Variants in IRS2 observed in about 807,000 individuals in gnomAD.
IRS2 encodes insulin receptor substrate 2.
A neutral mutation model predicts 70.9 loss-of-function variants in IRS2; 28 were observed. The ratio of observed to expected loss-of-function variants is 0.39; its 90% CI spans 0.29 to 0.54. IRS2 has a LOEUF of 0.54. Among genes scored for constraint, IRS2 ranks in the 20% least tolerant of loss-of-function variants. The probability of loss-of-function intolerance (pLI) is 0.59; values close to 1 mark genes in which losing one functional copy is unlikely to be tolerated. For missense variants in IRS2, 2,081 were observed against 2,024.1 expected (o/e 1.03, Z -0.54); for synonymous variants, 1,217 against 981.9 (o/e 1.24, Z -4.48).
chr13:109,786,083 C>A lies in IRS2; in HGVS notation c.-30G>T, dbSNP rs974586038. ...GGCGCTTCAGGCCGCGCGGCCCGGG[C>A]CCGGCGCCCAGGGGTTGGGGCGAGG... On this transcript the variant is annotated 5_prime_UTR_variant, in exon 1 of 2. Transcript: ENST00000375856. The surrounding 1 kb of genome is among the most constrained non-coding windows in gnomAD (Gnocchi z 4.4). 2 of 1,044,624 alleles carry A rather than the reference C, an allele frequency of 1.9e-6. No homozygotes were observed. The highest frequency in any genetic ancestry group is 2.3e-6 in the Non-Finnish European group (2 of 874,444). 64.7% of individuals were successfully genotyped at this position (1,044,624 alleles called of 1,614,324 possible). A position where few individuals can be genotyped will look rare whatever the true frequency, so the allele number is the denominator to read the frequency against.
At chr13:109,764,738 CTCT>C (rs1877298467) in intron 1 of IRS2, among the ~76,000 whole-genome samples, 1 of 152,234 alleles carries the variant, frequency 6.6e-6, no homozygotes, top group South Asian at 2.1e-4. Flanking sequence ...GTCATCACAG[CTCT>C]TCCTCGTTCA....
rs1455604327 is a variant in IRS2 at position 109,783,620 on chromosome 13, C to T, written c.2434G>A (p.Ala812Thr). The change falls in exon 1 of 2, where the codon GCC becomes ACC. Residue 812 changes from alanine (A) to threonine (T), a missense_variant. Around this residue, in one of 4 missense-constraint regions of IRS2, gnomAD observed 1,615 missense variants for 1,459.5 expected, o/e 1.11. Coordinates refer to ENST00000375856, the MANE Select transcript of IRS2 (RefSeq NM_003749.3). Reference protein sequence around the residue: ...CYSSLPRSYKAPYTCGGDSDQ... With the variant: ...CYSSLPRSYKTPYTCGGDSDQ... ...CTGTCCCCGCCACAGGTGTAGGGGG[C>T]CTTGTAGGAGCGGGGCAAGGAGCTG... 9 of 1,549,424 alleles carry T rather than the reference C, an allele frequency of 5.8e-6. No homozygotes were observed. Among genetic ancestry groups the T allele is most frequent in the African/African-American group, 1.4e-5 (1 of 73,212 alleles).
chr13:109,772,985 G>A (rs994743647), intron 1 of IRS2, among the ~76,000 whole-genome samples: 39 of 152,220 alleles, frequency 2.6e-4, no homozygotes, highest in Admixed American at 1.6e-3. Context: ...GTGAGCCACC[G>A]CGCCCGGCCG....
chr13:109,776,073 C>T (rs759077268), intron 1 of IRS2, among the ~76,000 whole-genome samples: 8 of 150,274 alleles, frequency 5.3e-5, no homozygotes, highest in South Asian at 2.1e-4. Flanking sequence ...CGCTTGAACC[C>T]GGGAGGTGGA....
chr13:109,780,588 C>T (rs1206948429), intron 1 of IRS2, among the ~76,000 whole-genome samples: 2 of 151,868 alleles, frequency 1.3e-5, no homozygotes, highest in African/African-American at 4.9e-5. Context: ...TCCCATGGAC[C>T]GACAGTCCTA....
intron 1 of IRS2, among the ~76,000 whole-genome samples, chr13:109,773,701 G>A (rs143865602): frequency 1.3e-5 from 2 of 152,120 alleles, no homozygotes; most frequent in Non-Finnish European, 1.5e-5. Context: ...GATTTATAAC[G>A]CGTTTCTTCA....
intron 1 of IRS2, among the ~76,000 whole-genome samples, chr13:109,779,626 C>T (rs942979454): frequency 6.6e-6 from 1 of 152,196 alleles, no homozygotes; most frequent in Non-Finnish European, 1.5e-5. Context: ...ACTTACTTTA[C>T]TAGAAACCCA....
Position 109,783,522 on chromosome 13 carries a change from C to T in IRS2, c.2532G>A (p.Thr844=), listed in dbSNP as rs757781282. 46 of 1,548,258 alleles carry T rather than the reference C, an allele frequency of 3.0e-5. No homozygotes were observed. The highest frequency in any genetic ancestry group is 3.9e-5 in the Non-Finnish European group (45 of 1,146,438). The part of the protein sequence containing the change: ...LEEERLEPQA[T]PGPSQAASAF... ...CGCTGGCCGCCTGGCTGGGCCCTGGCGTGGCCTGAGGCTCCAGACGCTCCT... is the reference window on the plus strand; with the variant it reads ...CGCTGGCCGCCTGGCTGGGCCCTGGTGTGGCCTGAGGCTCCAGACGCTCCT... Residue 844 remains threonine (T), a synonymous_variant, in exon 1 of 2, where the codon ACG becomes ACA. Coordinates refer to ENST00000375856, the MANE Select transcript of IRS2 (RefSeq NM_003749.3).
chr13:109,770,793 C>T (rs778828299), intron 1 of IRS2, among the ~76,000 whole-genome samples: 5 of 152,234 alleles, frequency 3.3e-5, no homozygotes, highest in Admixed American at 1.3e-4. Context: ...TACTCTTGTG[C>T]TGACACACGC....
chr13:109,778,192 T>C (rs1877620399), intron 1 of IRS2, among the ~76,000 whole-genome samples: 1 of 152,170 alleles, frequency 6.6e-6, no homozygotes, highest in African/African-American at 2.4e-5. Flanking sequence ...AAGGGGAGGA[T>C]TATAATTACC....
At chr13:109,761,649 G>T (rs577683913) in intron 1 of IRS2, among the ~76,000 whole-genome samples, 1 of 150,454 alleles carries the variant, frequency 6.6e-6, no homozygotes, top group African/African-American at 2.4e-5. Context: ...TAGGAAAAAC[G>T]GTTACTTGAA....
Position 109,785,506 on chromosome 13 carries a change from C to T in IRS2, c.548G>A (p.Ser183Asn). The T allele has an allele frequency of 6.2e-7, 1 of 1,609,242 alleles. No individual in the cohort carries two copies. The highest frequency in any genetic ancestry group is 8.5e-7 in the Non-Finnish European group (1 of 1,178,452). Residue 183 changes from serine to asparagine, a missense_variant, in exon 1 of 2, where the codon AGC becomes AAC. Physicochemically the swap from Ser to Asn is conservative, Grantham distance 46. This residue lies in a region of IRS2 where 320 missense variants were observed against 352.9 expected (regional missense o/e 0.91). Transcript: ENST00000375856. The surrounding 1 kb of genome is among the most constrained non-coding windows in gnomAD (Gnocchi z 9.3). ...GSAGAAGAED[S>N]YGLVAPATAA... The stretch of plus-strand genomic sequence containing the variant: ...CGTGGCGGGAGCCACCAGCCCGTAG[C>T]TGTCCTCGGCCCCGGCGGCGCCGGC...
rs1323443094 is a variant in IRS2 at position 109,785,549 on chromosome 13, C to G, written c.505G>C (p.Gly169Arg). The G allele has an allele frequency of 4.0e-6, 6 of 1,511,354 alleles. No individual in the cohort carries two copies. The East Asian group carries it at 1.3e-4, about 33-fold the overall frequency. 93.6% of individuals were successfully genotyped at this position (1,511,354 alleles called of 1,614,324 possible). A position where few individuals can be genotyped will look rare whatever the true frequency, so the allele number is the denominator to read the frequency against. Residue 169 changes from glycine (G) to arginine (R), a missense_variant, in exon 1 of 2, where the codon GGC becomes CGC. By Grantham distance (125) the Gly-to-Arg change is moderately radical (BLOSUM62 -2). This residue lies in a region of IRS2 where 320 missense variants were observed against 352.9 expected (regional missense o/e 0.91). Coordinates refer to ENST00000375856, the MANE Select transcript of IRS2 (RefSeq NM_003749.3). This position sits in a 1 kb window ranked among gnomAD's most constrained non-coding sequence, Gnocchi z 9.3. ...GCGCCGGCAGAGCCGCCCAGGGCGC[C>G]GGGCAGGGAGGCGCTGCAGGACGCG... ...PAASCSASLPGALGGSAGAAG... is the reference protein window; with the variant it reads ...PAASCSASLPRALGGSAGAAG...
chr13:109,777,533 T>C (rs1877605542), intron 1 of IRS2, among the ~76,000 whole-genome samples: 1 of 152,202 alleles, frequency 6.6e-6, no homozygotes, highest in African/African-American at 2.4e-5. Flanking sequence ...CGCATTTTCC[T>C]ACTATGTTTG....
At chr13:109,778,952 T>C (rs770793569) in intron 1 of IRS2, among the ~76,000 whole-genome samples, 1 of 152,100 alleles carries the variant, frequency 6.6e-6, no homozygotes, top group Non-Finnish European at 1.5e-5. Flanking sequence ...TCTTTCCAAT[T>C]CCCAAACAAC....
intron 1 of IRS2, among the ~76,000 whole-genome samples, chr13:109,761,396 G>A (rs938234876): frequency 3.9e-5 from 6 of 152,194 alleles, no homozygotes; most frequent in East Asian, 1.9e-4. Flanking sequence ...ATGTGATTCC[G>A]AAAGCAAGGA....
At chr13:109,764,525 C>G (rs1877294105) in intron 1 of IRS2, among the ~76,000 whole-genome samples, 1 of 152,230 alleles carries the variant, frequency 6.6e-6, no homozygotes, top group Non-Finnish European at 1.5e-5. Flanking sequence ...GCACATGCTA[C>G]TAGCACAACT....
chr13:109,784,045 C>T lies in IRS2; in HGVS notation c.2009G>A (p.Cys670Tyr), dbSNP rs1877827596. The change falls in exon 1 of 2, where the codon TGC (cysteine) becomes TAC (tyrosine). Residue 670 changes from cysteine (C) to tyrosine (Y), a missense_variant. Around this residue, in one of 4 missense-constraint regions of IRS2, gnomAD observed 1,615 missense variants for 1,459.5 expected, o/e 1.11. Coordinates refer to ENST00000375856, the MANE Select transcript of IRS2 (RefSeq NM_003749.3). This position sits in a 1 kb window ranked among gnomAD's most constrained non-coding sequence, Gnocchi z 5.2. Reference protein sequence around the residue: ...AALAGSGSGSCRSDDYMPMSP... With the variant: ...AALAGSGSGSYRSDDYMPMSP... ...CATGGGCATGTAGTCGTCGCTCCTGCAGCTGCCGCTCCCACTGCCCGCGAG... is the reference window on the plus strand; with the variant it reads ...CATGGGCATGTAGTCGTCGCTCCTGTAGCTGCCGCTCCCACTGCCCGCGAG... 3 of 1,546,582 alleles carry T rather than the reference C, an allele frequency of 1.9e-6. No homozygotes were observed. The highest frequency in any genetic ancestry group is 1.2e-5 in the South Asian group (1 of 85,030).
chr13:109,778,806 A>C (rs1026061205), intron 1 of IRS2, among the ~76,000 whole-genome samples: 1 of 152,244 alleles, frequency 6.6e-6, no homozygotes, highest in African/African-American at 2.4e-5. Context: ...CAATTTTAGA[A>C]TAAAATCCCT....
Sources: allele counts gnomAD v4.1 joint callset (sites outside exome capture counted in the v4.1 genomes callset), GRCh38; gene constraint gnomAD v4.1.1; regional missense constraint gnomAD v4.1.1; non-coding constraint Gnocchi (gnomAD v3.1); transcripts MANE v1.5; gene names NCBI Gene and HGNC (gene_info 2026-07-23, HGNC 2026-07-21).